The following RERE variants were observed in gnomAD, a reference collection of about 807,000 sequenced individuals.
The protein encoded by RERE is arginine-glutamic acid dipeptide repeats.
A neutral mutation model predicts 146.1 loss-of-function variants in RERE; 40 were observed. The ratio of observed to expected loss-of-function variants is 0.27; its 90% CI spans 0.21 to 0.36. RERE has a LOEUF of 0.36. Ranked by LOEUF, RERE falls within the 10% of genes least tolerant of loss-of-function variation. The pLI, the probability that RERE is intolerant of heterozygous loss-of-function variation, is 1.00. For synonymous variants in RERE, 1,003 were observed against 866.0 expected (o/e 1.16, Z -2.78); for missense variants, 1,933 against 2,138.7 (o/e 0.90, Z 1.90).
intron 6 of RERE, among the ~76,000 whole-genome samples, chr1:8,550,549 G>T (rs1570426198): frequency 1.3e-5 from 2 of 151,850 alleles, no homozygotes; most frequent in African/African-American, 2.4e-5. Flanking sequence ...TGTTGTTGTT[G>T]TTTTTTGTTT....
intron 2 of RERE, among the ~76,000 whole-genome samples, chr1:8,630,672 A>T (rs1482421307): frequency 6.6e-6 from 1 of 152,172 alleles, no homozygotes; most frequent in Non-Finnish European, 1.5e-5. Flanking sequence ...GTGAGCTATG[A>T]TCCAGCCACT....
intron 1 of RERE, among the ~76,000 whole-genome samples, chr1:8,789,301 A>AAT (rs1553149622): frequency 0.012 from 299 of 24,758 alleles, 10 homozygotes; most frequent in Non-Finnish European, 0.013. Context: ...AAAAAAAAAA[A>AAT]ATATATATAT....
At chr1:8,750,071 G>T (rs1425231203) in intron 1 of RERE, among the ~76,000 whole-genome samples, 1 of 147,914 alleles carries the variant, frequency 6.8e-6, no homozygotes, top group African/African-American at 2.5e-5. Flanking sequence ...AGAATCGCTT[G>T]AATGCAGAGG....
chr1:8,552,976 C>A (rs1200204220), intron 6 of RERE, among the ~76,000 whole-genome samples: 1 of 151,222 alleles, frequency 6.6e-6, no homozygotes, highest in African/African-American at 2.4e-5. Flanking sequence ...ACTCATGACA[C>A]CACACCAGTA....
intron 1 of RERE, among the ~76,000 whole-genome samples, chr1:8,815,424 T>C (rs1437422718): frequency 1.3e-5 from 2 of 152,156 alleles, no homozygotes; most frequent in African/African-American, 4.8e-5. Flanking sequence ...AACAAATCAC[T>C]GTCCCCAACA....
intron 1 of RERE, among the ~76,000 whole-genome samples, chr1:8,706,533 G>A (rs1000258946): frequency 3.3e-5 from 5 of 152,168 alleles, no homozygotes; most frequent in Non-Finnish European, 7.4e-5. Flanking sequence ...CTGGACAGAG[G>A]ACTAAATCTT....
intron 7 of RERE, chr1:8,519,651 G>A (rs1286778758): frequency 6.6e-6 from 1 of 152,048 alleles, no homozygotes; most frequent in Non-Finnish European, 1.5e-5. Context: ...TCTATATACT[G>A]GCAATAAGTG....
chr1:8,448,541 G>A (rs1014069680), intron 11 of RERE, among the ~76,000 whole-genome samples: 7 of 152,134 alleles, frequency 4.6e-5, no homozygotes, highest in African/African-American at 1.7e-4. Context: ...GGTGGATCAC[G>A]AAGTCAGGAG....
intron 11 of RERE, among the ~76,000 whole-genome samples, chr1:8,459,981 C>T (rs1299383915): frequency 6.6e-6 from 1 of 152,062 alleles, no homozygotes; most frequent in Non-Finnish European, 1.5e-5. Flanking sequence ...ACAAAATCAC[C>T]AAGATTATTA....
At chr1:8,498,142 C>CCT (rs1396931292) in intron 8 of RERE, among the ~76,000 whole-genome samples, 4 of 149,206 alleles carry the variant, frequency 2.7e-5, no homozygotes, top group East Asian at 2.0e-4. Context: ...GGGTGGATCA[C>CCT]AAGGTCAGGA....
intron 1 of RERE, among the ~76,000 whole-genome samples, chr1:8,675,357 AT>A (rs1250781280): frequency 6.6e-6 from 1 of 152,080 alleles, no homozygotes; most frequent in Non-Finnish European, 1.5e-5. Context: ...ATCAGAGAGT[AT>A]CAGAATTGTG....
chr1:8,532,589 A>G (rs573143785), intron 7 of RERE, among the ~76,000 whole-genome samples: 1 of 149,642 alleles, frequency 6.7e-6, no homozygotes, highest in African/African-American at 2.5e-5. Flanking sequence ...CCTAGCTAAT[A>G]TTATTATTTT....
chr1:8,537,231 A>C (rs186852146), intron 7 of RERE, among the ~76,000 whole-genome samples: 1 of 152,316 alleles, frequency 6.6e-6, no homozygotes, highest in East Asian at 1.9e-4. Flanking sequence ...AAGTTTTGTT[A>C]CTTAAATTTC....
chr1:8,763,877 G>A (rs1640800267), intron 1 of RERE, among the ~76,000 whole-genome samples: 2 of 151,432 alleles, frequency 1.3e-5, no homozygotes, highest in Admixed American at 6.6e-5. Context: ...GAAAGCAGAG[G>A]TTGCAGTAAG....
At chr1:8,755,000 G>A (rs138224310) in intron 1 of RERE, among the ~76,000 whole-genome samples, 1 of 152,280 alleles carries the variant, frequency 6.6e-6, no homozygotes, top group African/African-American at 2.4e-5. Flanking sequence ...GCAAAAATAA[G>A]AATAGACTAT....
At chr1:8,804,815 G>C (rs1377205564) in intron 1 of RERE, among the ~76,000 whole-genome samples, 1 of 152,046 alleles carries the variant, frequency 6.6e-6, no homozygotes, top group Non-Finnish European at 1.5e-5. Flanking sequence ...GTAGCATACT[G>C]GTTCAGGACT....
intron 4 of RERE, among the ~76,000 whole-genome samples, chr1:8,604,682 A>G (rs1646680399): frequency 6.6e-6 from 1 of 151,190 alleles, no homozygotes; most frequent in African/African-American, 2.4e-5. Context: ...GGAAGTCCAC[A>G]TATCTGTAAG....
intron 4 of RERE, among the ~76,000 whole-genome samples, chr1:8,571,677 CTAGT>C (rs1463663353): frequency 2.0e-5 from 3 of 152,190 alleles, no homozygotes; most frequent in East Asian, 1.9e-4. Context: ...ACCTTTAATA[CTAGT>C]TAGTCTATTT....
At chr1:8,629,970 TG>T (rs1163327068) in intron 2 of RERE, among the ~76,000 whole-genome samples, 1 of 152,098 alleles carries the variant, frequency 6.6e-6, no homozygotes, top group Admixed American at 6.5e-5. Context: ...AGCGGTGAAA[TG>T]GGAAGTTGAC....
Sources: gnomAD v4.1 joint callset for allele counts (sites outside exome capture counted in the v4.1 genomes callset) on GRCh38, gnomAD v4.1.1 for gene constraint, MANE v1.5 for transcripts, NCBI Gene and HGNC (gene_info 2026-07-23, HGNC 2026-07-21) for gene names.